The following CAMK1 variants were observed in gnomAD, a reference collection of about 807,000 sequenced individuals.
CAMK1 encodes the protein calcium/calmodulin dependent protein kinase I, also known as calcium/calmodulin-dependent protein kinase type 1.
CAMK1 carries 39 observed loss-of-function variants against 49.1 expected under a neutral mutation model. The observed-to-expected ratio is 0.79, with a 90% confidence interval of 0.62 to 1.04. The LOEUF is 1.04. Among genes scored for constraint, CAMK1 ranks in the 50% least tolerant of loss-of-function variants. The pLI is 0.00. For synonymous variants in CAMK1, 192 were observed against 185.2 expected (o/e 1.04, Z -0.30); for missense variants, 457 against 472.2 (o/e 0.97, Z 0.30).
intron 1 of CAMK1, among the ~76,000 whole-genome samples, chr3:9,769,259 A>C (rs997379379): frequency 6.6e-6 from 1 of 150,638 alleles, no homozygotes; most frequent in African/African-American, 2.4e-5. Flanking sequence ...ACACACACAC[A>C]CCCTCATATA....
At chr3:9,765,698 G>A (rs2078121097) in intron 3 of CAMK1, 61 bp downstream of exon 3, 4 of 1,571,446 alleles carry the variant, frequency 2.5e-6, no homozygotes, top group Non-Finnish European at 3.5e-6. Context: ...CAGGAAAGGA[G>A]GAGGATGGGA....
chr3:9,764,763 G>T (rs1204632479), intron 3 of CAMK1, among the ~76,000 whole-genome samples: 5 of 151,208 alleles, frequency 3.3e-5, no homozygotes, highest in African/African-American at 4.9e-5. Flanking sequence ...CTCCCAAGTA[G>T]CTGGGATTAC....
At chr3:9,767,566 C>T in intron 2 of CAMK1, 101 bp downstream of exon 2, 2 of 1,487,946 alleles carry the variant, frequency 1.3e-6, no homozygotes, top group Non-Finnish European at 1.9e-6. Flanking sequence ...GCCACAGGGC[C>T]TGGGCTGTGG....
chr3:9,762,672 T>A (rs1204747774), intron 5 of CAMK1, among the ~76,000 whole-genome samples: 2 of 152,196 alleles, frequency 1.3e-5, no homozygotes, highest in East Asian at 3.8e-4. Context: ...GCCAGATTTT[T>A]TTTTTTTTAA....
In CAMK1 at chr3:9,760,829, G is replaced by A. The variant is rs2077827506; in HGVS notation, c.633-61C>T. On this transcript the variant is annotated intron_variant, in intron 7 of 11. Transcript: ENST00000256460. Reference sequence around the variant, plus strand: ...CGGGTGCCGTTGGCTCCGGGGTGGAGCACTGGGGCAGTCTCAGGGGTCAGG... The same window carrying A: ...CGGGTGCCGTTGGCTCCGGGGTGGAACACTGGGGCAGTCTCAGGGGTCAGG... The A allele has an allele frequency of 1.9e-6, 3 of 1,605,482 alleles. No individual in the cohort carries two copies. In the African/African-American group the frequency reaches 4.0e-5, roughly 21 times the overall value.
In CAMK1 at chr3:9,759,756, C is replaced by T; in HGVS notation, c.746-6G>A. The T allele has an allele frequency of 3.7e-6, 6 of 1,614,164 alleles. No homozygotes were observed. The highest frequency in any genetic ancestry group is 5.1e-6 in the Non-Finnish European group (6 of 1,180,018). ...GTGCCGGATGAAATCTTTGGCTAAA[C>T]CCCCAAGACAAAAGCAAAGATAATG... On this transcript the variant is annotated splice_polypyrimidine_tract_variant and splice_region_variant and intron_variant, in intron 8 of 11. Transcript: ENST00000256460.
intron 4 of CAMK1, 42 bp downstream of exon 4, chr3:9,763,097 C>G (rs201946193): frequency 9.0e-5 from 145 of 1,613,948 alleles, no homozygotes; most frequent in Non-Finnish European, 1.2e-4. Context: ...GTTGGGACAG[C>G]TGGGAGAGGT....
chr3:9,761,850 G>A, intron 5 of CAMK1, 93 bp from the exon 6 acceptor site: 2 of 1,528,112 alleles, frequency 1.3e-6, no homozygotes, highest in East Asian at 2.3e-5. Flanking sequence ...GAGAAATAAT[G>A]GATCCCCAAA....
At chr3:9,759,103 C>A (rs1321798576) in intron 10 of CAMK1, 1 of 1,138,724 alleles carries the variant, frequency 8.8e-7, no homozygotes, top group Non-Finnish European at 1.3e-6. Context: ...CCCCTCCAGT[C>A]TGGCCAGGCT....
chr3:9,761,406 G>A (rs1575232683), intron 7 of CAMK1, 55 bp downstream of exon 7: 2 of 1,552,270 alleles, frequency 1.3e-6, no homozygotes. Flanking sequence ...AGAGAGGAAA[G>A]TAGGCGAGAG....
intron 10 of CAMK1, chr3:9,759,055 C>G: frequency 1.3e-6 from 1 of 786,760 alleles, no homozygotes; most frequent in Non-Finnish European, 2.3e-6. Flanking sequence ...CCCTTACCTG[C>G]TTCTCTAAAT....
At chr3:9,767,421 T>C (rs1183103192) in intron 2 of CAMK1, among the ~76,000 whole-genome samples, 2 of 152,208 alleles carry the variant, frequency 1.3e-5, no homozygotes, top group African/African-American at 4.8e-5. Context: ...GCAAGTTAAA[T>C]GGACTGACTG....
rs1311496039 is a variant in CAMK1, at chr3:9,764,619, TTTTTTTTTG to T, written c.215+1131_215+1139del. ...GAGCCACTGCGCCTGGCGTTTTTGT[TTTTTTTTTG>T]TTTTTTTTTTTTTTTTTGAGATGGA... On this transcript the variant is annotated intron_variant, in intron 3 of 11. Coordinates refer to ENST00000256460, the MANE Select transcript of CAMK1 (RefSeq NM_003656.5). 1.5e-4 allele frequency among the ~76,000 whole-genome samples: 19 copies of T among 124,784 alleles called. 1 individual carries two copies. Among genetic ancestry groups the T allele is most frequent in the South Asian group, 2.6e-4 (1 of 3,814 alleles). 81.9% of individuals were successfully genotyped at this position (124,784 alleles called of 152,430 possible). A position where few individuals can be genotyped will look rare whatever the true frequency, so the allele number is the denominator to read the frequency against.
At chr3:9,759,206 C>CT in intron 10 of CAMK1, 1 of 1,613,820 alleles carries the variant, frequency 6.2e-7, no homozygotes. Context: ...GTCATCACCA[C>CT]TTTTATGACC....
intron 8 of CAMK1, 123 bp from the exon 9 acceptor site, chr3:9,759,873 G>GC (rs1288743175): frequency 1.3e-6 from 2 of 1,537,102 alleles, no homozygotes; most frequent in African/African-American, 2.7e-5. Context: ...ATCAGTCCAT[G>GC]CCCCACCCCA....
At chr3:9,760,116 C>T (rs182214782) in intron 8 of CAMK1, 160 of 213,340 alleles carry the variant, frequency 7.5e-4, no homozygotes, top group African/African-American at 3.5e-3. Context: ...TGGTGGTGGG[C>T]GCCTGTAATC....
chr3:9,760,954 G>A (rs772204904), intron 7 of CAMK1, 186 bp from the exon 8 acceptor site: 105 of 843,942 alleles, frequency 1.2e-4, no homozygotes, highest in Middle Eastern at 1.1e-3. Context: ...TGTATGTGCC[G>A]CCATCTTGCC....
At chr3:9,759,140 A>G in intron 10 of CAMK1, 4 of 1,441,604 alleles carry the variant, frequency 2.8e-6, no homozygotes, top group Non-Finnish European at 3.9e-6. Context: ...CGGAATGGCT[A>G]TAGACATTAT....
intron 10 of CAMK1, chr3:9,759,282 T>C: frequency 6.2e-7 from 1 of 1,611,968 alleles, no homozygotes; most frequent in Non-Finnish European, 8.5e-7. Flanking sequence ...CCTCTAGACT[T>C]GGAGGTGAGG....
Sources: allele counts gnomAD v4.1 joint callset (sites outside exome capture counted in the v4.1 genomes callset), GRCh38; gene constraint gnomAD v4.1.1; transcripts MANE v1.5; gene names NCBI Gene and HGNC (gene_info 2026-07-23, HGNC 2026-07-21).